RANBP3: variants seen among roughly 807,000 people sequenced by gnomAD.
RANBP3 encodes ran-binding protein 3.
Under a neutral mutation model 77.3 loss-of-function variants are expected in RANBP3, and 14 were observed. That is an observed-to-expected ratio of 0.18 (90% CI 0.12 to 0.28). The LOEUF (loss-of-function observed/expected upper bound fraction) is 0.28. RANBP3 is among the 10% of genes least tolerant of loss of function. RANBP3 has a pLI of 1.00. For missense variants in RANBP3, 586 were observed against 752.3 expected (o/e 0.78, Z 2.59); for synonymous variants, 315 against 312.4 (o/e 1.01, Z -0.09).
Position 5,958,978 on chromosome 19 carries a change from G to A in RANBP3, c.23-1005C>T, listed in dbSNP as rs891357113. On this transcript the variant is annotated intron_variant, in intron 1 of 16. Coordinates refer to ENST00000340578, the MANE Select transcript of RANBP3 (RefSeq NM_007322.3). The surrounding 1 kb of genome is among the most constrained non-coding windows in gnomAD (Gnocchi z 4.4). ...CTTCGCAGGCCCCCCGACCCCGGTCGTGGGGAGCCAGGCATTACCCAGGAA... is the reference window on the plus strand; with the variant it reads ...CTTCGCAGGCCCCCCGACCCCGGTCATGGGGAGCCAGGCATTACCCAGGAA... Among the ~76,000 whole-genome samples the A allele has an allele frequency of 3.3e-5, 5 of 152,250 alleles. No homozygotes were observed. Among genetic ancestry groups the A allele is most frequent in the African/African-American group, 9.6e-5 (4 of 41,474 alleles).
At chr19:5,967,603 C>T (rs2058482804) in intron 1 of RANBP3, among the ~76,000 whole-genome samples, 1 of 152,176 alleles carries the variant, frequency 6.6e-6, no homozygotes. Flanking sequence ...CTTTATCAGC[C>T]CTGCAGCCAA....
chr19:5,936,820 A>G (rs2058070189), intron 5 of RANBP3, among the ~76,000 whole-genome samples: 2 of 152,062 alleles, frequency 1.3e-5, no homozygotes, highest in Admixed American at 1.3e-4. Context: ...TGTTGACACA[A>G]TCGATCAAGG....
chr19:5,921,120 C>G lies in RANBP3; in HGVS notation c.1330+81G>C, dbSNP rs1026323281. ...ACAAGGGTAGGGTCAGGATCTCCCC[C>G]GCTTCATTCCCTTTGGAATTGCATA... is the stretch of plus-strand genomic sequence containing the variant. On this transcript the variant is annotated intron_variant, in intron 14 of 16. Transcript: ENST00000340578. This position sits in a 1 kb window ranked among gnomAD's most constrained non-coding sequence, Gnocchi z 5.3. 6.1e-5 allele frequency: 92 copies of G among 1,501,654 alleles called. No homozygotes were observed. The highest frequency in any genetic ancestry group is 8.1e-5 in the Non-Finnish European group (90 of 1,115,314). The allele number at this position is 1,501,654 out of a possible 1,614,324, so 93.0% of individuals were successfully genotyped here. A position where few individuals can be genotyped will look rare whatever the true frequency, so the allele number is the denominator to read the frequency against.
At chr19:5,940,550 T>C (rs1389733748) in intron 5 of RANBP3, among the ~76,000 whole-genome samples, 1 of 152,184 alleles carries the variant, frequency 6.6e-6, no homozygotes, top group Non-Finnish European at 1.5e-5. Flanking sequence ...GAAAAGGGCA[T>C]GAAAACAAGG....
intron 5 of RANBP3, chr19:5,935,789 G>A (rs1368467711): frequency 2.2e-6 from 1 of 456,752 alleles, no homozygotes; most frequent in Admixed American, 2.3e-5. Context: ...CACAGGCCCT[G>A]CTCCACGAAA....
intron 1 of RANBP3, chr19:5,976,667 C>G (rs888805549): frequency 2.0e-5 from 3 of 152,266 alleles, no homozygotes; most frequent in African/African-American, 7.2e-5. Flanking sequence ...TCACCTGAAC[C>G]CGGGAGGCGG....
At chr19:5,951,115 C>T (rs1201077219) in intron 3 of RANBP3, among the ~76,000 whole-genome samples, 1 of 152,218 alleles carries the variant, frequency 6.6e-6, no homozygotes, top group East Asian at 1.9e-4. Flanking sequence ...TCAATTCCTC[C>T]TGACCCCTCG....
chr19:5,917,417 C>T lies in RANBP3; in HGVS notation c.*193G>A, dbSNP rs530838667. The T allele has an allele frequency of 8.6e-6, 5 of 579,300 alleles. No homozygotes were observed. The highest frequency in any genetic ancestry group is 5.8e-5 in the East Asian group (2 of 34,624). 35.9% of individuals were successfully genotyped at this position (579,300 alleles called of 1,614,324 possible). A position where few individuals can be genotyped will look rare whatever the true frequency, so the allele number is the denominator to read the frequency against. ...TTCGCTCATCAATATGATGAGGTCT[C>T]GTGTCCCAAACCACATTCAGGCAGT... On this transcript the variant is annotated 3_prime_UTR_variant, in exon 17 of 17. Transcript: ENST00000340578.
intron 1 of RANBP3, among the ~76,000 whole-genome samples, chr19:5,972,712 T>C (rs1258546801): frequency 6.6e-6 from 1 of 152,134 alleles, no homozygotes; most frequent in Non-Finnish European, 1.5e-5. Context: ...CCAGGCCTAT[T>C]CACTGTCTGA....
intron 5 of RANBP3, among the ~76,000 whole-genome samples, chr19:5,935,203 G>A (rs1257189975): frequency 1.3e-5 from 2 of 152,192 alleles, no homozygotes; most frequent in East Asian, 1.9e-4. Context: ...GCTGTGCCCC[G>A]GAGGCGCCGC....
intron 1 of RANBP3, among the ~76,000 whole-genome samples, chr19:5,967,344 C>G (rs1053137674): frequency 6.6e-6 from 1 of 152,246 alleles, no homozygotes; most frequent in African/African-American, 2.4e-5. Context: ...TGCTCATCAT[C>G]TTGGCATTAC....
intron 5 of RANBP3, chr19:5,935,881 G>A (rs1465411130): frequency 1.1e-5 from 5 of 450,198 alleles, no homozygotes; most frequent in Middle Eastern, 3.3e-4. Context: ...ATCATGGCCA[G>A]AGCCCGACGC....
chr19:5,967,947 G>A (rs909752269), intron 1 of RANBP3, among the ~76,000 whole-genome samples: 1 of 152,162 alleles, frequency 6.6e-6, no homozygotes, highest in Non-Finnish European at 1.5e-5. Flanking sequence ...AACCCAGGAG[G>A]TGGAGGTTGC....
chr19:5,973,143 A>C (rs1478760594), intron 1 of RANBP3, among the ~76,000 whole-genome samples: 2 of 152,234 alleles, frequency 1.3e-5, no homozygotes, highest in Admixed American at 6.5e-5. Flanking sequence ...TCCCAGAATT[A>C]GTTTTTATAA....
At chr19:5,950,601 T>C (rs2058263330) in intron 3 of RANBP3, 2 of 152,240 alleles carry the variant, frequency 1.3e-5, no homozygotes, top group Non-Finnish European at 2.9e-5. Context: ...GCGGTAGAGC[T>C]GGGTCCCTTC....
intron 2 of RANBP3, among the ~76,000 whole-genome samples, chr19:5,951,944 A>C (rs1263266269): frequency 6.6e-6 from 1 of 152,190 alleles, no homozygotes; most frequent in Non-Finnish European, 1.5e-5. Context: ...CATGCAAAAT[A>C]TTAAAACCCC....
At chr19:5,955,372 G>A (rs1414714983) in intron 2 of RANBP3, among the ~76,000 whole-genome samples, 1 of 152,154 alleles carries the variant, frequency 6.6e-6, no homozygotes, top group Non-Finnish European at 1.5e-5. Flanking sequence ...CCAAAGTGCT[G>A]GGATTACAGG....
At chr19:5,931,598 C>T (rs1332471399) in intron 7 of RANBP3, 67 bp from the exon 8 acceptor site, 7 of 1,533,918 alleles carry the variant, frequency 4.6e-6, no homozygotes, top group Non-Finnish European at 6.2e-6. Flanking sequence ...ACTCACATAG[C>T]TGAGGGGCTG....
At position 5,925,664 on chromosome 19, in the gene RANBP3, G is replaced by A. The variant is rs750340677; in HGVS notation, c.887C>T (p.Thr296Met). 1.2e-5 allele frequency: 20 copies of A among 1,613,868 alleles called. No homozygotes were observed. Among genetic ancestry groups the A allele is most frequent in the Admixed American group, 8.3e-5 (5 of 59,982 alleles). Residue 296 changes from threonine to methionine, a missense_variant, in exon 10 of 17, where the codon ACG (threonine) becomes ATG (methionine). Physicochemically the swap from Thr to Met is moderately conservative, Grantham distance 81. This residue lies in a region of RANBP3 where 232 missense variants were observed against 271.7 expected (regional missense o/e 0.85). Coordinates refer to ENST00000340578, the MANE Select transcript of RANBP3 (RefSeq NM_007322.3). ...GHPSADTPTA[T>M]NYFLQYISSS... ...ACTGATATACTGGAGGAAATAGTTCGTTGCGGTTGGCGTGTCTGCGCTGGG... is the reference window on the plus strand; with the variant it reads ...ACTGATATACTGGAGGAAATAGTTCATTGCGGTTGGCGTGTCTGCGCTGGG...
Sources: gnomAD v4.1 joint callset for allele counts (sites outside exome capture counted in the v4.1 genomes callset) on GRCh38, gnomAD v4.1.1 for gene constraint, gnomAD v4.1.1 regional missense constraint, Gnocchi (gnomAD v3.1) non-coding constraint, MANE v1.5 for transcripts, NCBI Gene and HGNC (gene_info 2026-07-23, HGNC 2026-07-21) for gene names.